The following GSE1 variants were observed in gnomAD, a reference collection of about 807,000 sequenced individuals.
GSE1 encodes genetic suppressor element 1.
In GSE1, 32 loss-of-function variants were observed where a neutral mutation model predicts 112.6. The ratio of observed to expected loss-of-function variants is 0.28; its 90% confidence interval spans 0.21 to 0.38. The LOEUF is 0.38. GSE1 is among the 10% of genes least tolerant of loss of function. The probability of loss-of-function intolerance (pLI) is 1.00; values close to 1 mark genes in which losing one functional copy is unlikely to be tolerated. For missense variants in GSE1, 2,348 were observed against 1,699.2 expected (o/e 1.38, Z -6.71); for synonymous variants, 1,115 against 735.6 (o/e 1.52, Z -8.35).
chr16:85,315,798 T>C (rs1025884740), intron 1 of GSE1, among the ~76,000 whole-genome samples: 1 of 152,248 alleles, frequency 6.6e-6, no homozygotes, highest in Non-Finnish European at 1.5e-5. Flanking sequence ...GGGCACCCTG[T>C]ATTCTTATTT....
intron 2 of GSE1, among the ~76,000 whole-genome samples, chr16:85,362,744 C>T: frequency 6.6e-6 from 1 of 151,752 alleles, no homozygotes; most frequent in East Asian, 1.9e-4. Flanking sequence ...CCGTGTGGCA[C>T]ATCAGTGGTG....
chr16:85,192,035 T>C (rs1207991266), intron 1 of GSE1, among the ~76,000 whole-genome samples: 1 of 152,190 alleles, frequency 6.6e-6, no homozygotes, highest in Non-Finnish European at 1.5e-5. Flanking sequence ...ACAGCAGAGA[T>C]GTGAAGGAGG....
At chr16:85,341,204 T>C (rs1273491871) in intron 1 of GSE1, among the ~76,000 whole-genome samples, 6 of 152,114 alleles carry the variant, frequency 3.9e-5, no homozygotes. Context: ...TTTACTTTTT[T>C]TTTTTAAATA....
At chr16:85,497,756 A>G (rs9930924) in intron 2 of GSE1, among the ~76,000 whole-genome samples, 83,423 of 151,968 alleles carry the variant, frequency 0.55, 23,064 homozygotes, top group African/African-American at 0.56. Flanking sequence ...CACTTTCTTC[A>G]AGGTCTGGGA....
intron 2 of GSE1, among the ~76,000 whole-genome samples, chr16:85,386,945 C>T (rs1206133117): frequency 6.6e-6 from 1 of 152,164 alleles, no homozygotes; most frequent in Non-Finnish European, 1.5e-5. Flanking sequence ...AACTGGACAG[C>T]TCCCACTGAA....
At chr16:85,597,662 G>C (rs1253392609) in intron 1 of GSE1, among the ~76,000 whole-genome samples, 2 of 151,928 alleles carry the variant, frequency 1.3e-5, no homozygotes, top group African/African-American at 4.8e-5. Context: ...GTAGAGATGG[G>C]GTTTCGCCAT....
intron 2 of GSE1, among the ~76,000 whole-genome samples, chr16:85,481,852 C>G (rs148276521): frequency 2.0e-5 from 3 of 152,306 alleles, no homozygotes; most frequent in East Asian, 1.9e-4. Flanking sequence ...TGTGATGTAC[C>G]TAAAAGGTCA....
rs532155123 is a variant in GSE1, at chr16:85,582,979, C to G, written c.37+26616C>G. 9.2e-5 allele frequency among the ~76,000 whole-genome samples: 14 copies of G among 152,294 alleles called. No homozygotes were observed. The East Asian group carries it at 2.7e-3, about 29-fold the overall frequency. ...TGTGGGCACGGGGAGGGAAGCCACA[C>G]ATGCGTGCTTGAGCAGGCTGGCACA... On this transcript the variant is annotated intron_variant, in intron 1 of 2. Coordinates refer to the GSE1 transcript ENST00000635906.
At chr16:85,226,624 G>T (rs2075490442) in intron 1 of GSE1, among the ~76,000 whole-genome samples, 1 of 152,188 alleles carries the variant, frequency 6.6e-6, no homozygotes, top group South Asian at 2.1e-4. Flanking sequence ...GCTGCTGCCG[G>T]TGCTGTTGTG....
intron 1 of GSE1, among the ~76,000 whole-genome samples, chr16:85,174,927 G>A (rs3935263): frequency 1.2e-4 from 18 of 151,974 alleles, no homozygotes; most frequent in African/African-American, 3.4e-4. Context: ...CTGTCTTTTG[G>A]GGGGTGGTTT....
At chr16:85,324,908 G>C (rs961027859) in intron 1 of GSE1, among the ~76,000 whole-genome samples, 1 of 152,166 alleles carries the variant, frequency 6.6e-6, no homozygotes, top group African/African-American at 2.4e-5. Context: ...AAAGCACTGA[G>C]TTGGACACTT....
chr16:85,589,318 T>C (rs1433077561), intron 1 of GSE1, among the ~76,000 whole-genome samples: 2 of 151,778 alleles, frequency 1.3e-5, no homozygotes, highest in Non-Finnish European at 2.9e-5. Flanking sequence ...TTCTCAGCTG[T>C]GCACACAGGT....
At chr16:85,357,098 G>T (rs1017038397) in intron 1 of GSE1, among the ~76,000 whole-genome samples, 2 of 152,204 alleles carry the variant, frequency 1.3e-5, no homozygotes, top group African/African-American at 4.8e-5. Context: ...CTGGACCTTT[G>T]GGCTTAGCCT....
intron 1 of GSE1, among the ~76,000 whole-genome samples, chr16:85,325,624 G>T (rs1408796427): frequency 1.3e-5 from 2 of 151,736 alleles, no homozygotes; most frequent in Admixed American, 1.3e-4. Context: ...GCTAATTTTT[G>T]TATTTTTAGT....
rs2053588074 is a variant in GSE1 at position 85,674,735 on chromosome 16, C to G, written c.*2196C>G. On this transcript the variant is annotated 3_prime_UTR_variant, in exon 16 of 16. Coordinates refer to ENST00000253458, the MANE Select transcript of GSE1 (RefSeq NM_014615.5). ...CCCTTGGTTGGATTTTCTATGACAG[C>G]ACAGGGGACAGGTGGCACACCATGA... 1 of 152,330 alleles carries G rather than the reference C, an allele frequency of 6.6e-6. No individual in the cohort carries two copies. The highest frequency in any genetic ancestry group is 1.5e-5 in the Non-Finnish European group (1 of 68,062). 9.4% of individuals were successfully genotyped at this position (152,330 alleles called of 1,614,324 possible).
At chr16:85,234,347 T>C (rs1597863088) in intron 1 of GSE1, among the ~76,000 whole-genome samples, 1 of 152,148 alleles carries the variant, frequency 6.6e-6, no homozygotes, top group Non-Finnish European at 1.5e-5. Context: ...TTGGTCTTGG[T>C]CTGTACAGTG....
chr16:85,321,822 G>A (rs893759208), intron 1 of GSE1, among the ~76,000 whole-genome samples: 3 of 151,800 alleles, frequency 2.0e-5, no homozygotes, highest in Non-Finnish European at 4.4e-5. Flanking sequence ...AAAAAGTTCT[G>A]CCTGTAACTG....
intron 1 of GSE1, among the ~76,000 whole-genome samples, chr16:85,204,357 G>T (rs1027992141): frequency 1.3e-5 from 2 of 152,206 alleles, no homozygotes; most frequent in South Asian, 4.1e-4. Flanking sequence ...TCATCAGCCC[G>T]TGGGCTTTTG....
chr16:85,389,304 A>G (rs192403910), intron 2 of GSE1, among the ~76,000 whole-genome samples: 162 of 152,252 alleles, frequency 1.1e-3, no homozygotes, highest in African/African-American at 3.8e-3. Flanking sequence ...TACTAAAAAT[A>G]CAAAAATTAG....
Sources: gnomAD v4.1 joint callset for allele counts (sites outside exome capture counted in the v4.1 genomes callset) on GRCh38, gnomAD v4.1.1 for gene constraint, MANE v1.5 for transcripts, NCBI Gene and HGNC (gene_info 2026-07-23, HGNC 2026-07-21) for gene names.